The following GLI3 variants were observed in gnomAD, a reference collection of about 807,000 sequenced individuals.
GLI3 encodes transcription activator GLI3.
GLI3 carries 20 observed loss-of-function variants against 100.8 expected under a neutral mutation model. The ratio of observed to expected loss-of-function variants is 0.20; its 90% CI spans 0.14 to 0.29. The LOEUF (loss-of-function observed/expected upper bound fraction) is 0.29. GLI3 is among the 10% of genes least tolerant of loss of function. The probability of loss-of-function intolerance (pLI) is 1.00; values close to 1 mark genes in which losing one functional copy is unlikely to be tolerated. For missense variants in GLI3, 2,040 were observed against 2,128.5 expected, an observed-to-expected ratio of 0.96 and a Z score of 0.82; for synonymous variants, 938 against 860.5, an observed-to-expected ratio of 1.09 and a Z score of -1.58.
intron 3 of GLI3, among the ~76,000 whole-genome samples, chr7:42,132,190 T>C (rs1016352420): frequency 1.3e-5 from 2 of 152,074 alleles, no homozygotes; most frequent in Non-Finnish European, 2.9e-5. Flanking sequence ...AAGCTCCGCC[T>C]CCTGGGTTCA....
At chr7:41,989,457 C>T (rs912044970) in intron 10 of GLI3, among the ~76,000 whole-genome samples, 3 of 152,112 alleles carry the variant, frequency 2.0e-5, no homozygotes, top group African/African-American at 7.2e-5. Flanking sequence ...GCCAGAGGAG[C>T]TAAGAAAGTG....
chr7:42,100,741 A>G (rs930719000), intron 3 of GLI3, among the ~76,000 whole-genome samples: 1 of 152,070 alleles, frequency 6.6e-6, no homozygotes, highest in African/African-American at 2.4e-5. Context: ...GACTCTTTCC[A>G]AGAAAAAGAA....
At chr7:42,185,843 A>G (rs369645700) in intron 2 of GLI3, among the ~76,000 whole-genome samples, 3 of 152,322 alleles carry the variant, frequency 2.0e-5, no homozygotes, top group Admixed American at 6.5e-5. Context: ...TACAAACACC[A>G]GCCTCTCAGA....
At chr7:42,129,537 G>A (rs371467278) in intron 3 of GLI3, among the ~76,000 whole-genome samples, 18 of 152,110 alleles carry the variant, frequency 1.2e-4, no homozygotes, top group African/African-American at 3.6e-4. Flanking sequence ...TGGGTTGGGC[G>A]CGGTGGCTCA....
At chr7:42,238,999 A>C (rs1027281789), upstream of GLI3, among the ~76,000 whole-genome samples, 1 of 152,204 alleles carries the variant, frequency 6.6e-6, no homozygotes, top group East Asian at 1.9e-4. Context: ...TTTTAACGAA[A>C]TTGAGGGTGG....
upstream of GLI3, among the ~76,000 whole-genome samples, chr7:42,242,561 CCTT>C (rs1788935972): frequency 6.6e-6 from 1 of 152,166 alleles, no homozygotes; most frequent in Admixed American, 6.5e-5. Flanking sequence ...TTTACACTGT[CCTT>C]CTATTCAGTG....
At chr7:42,240,146 A>T (rs1237684943), upstream of GLI3, among the ~76,000 whole-genome samples, 1 of 152,220 alleles carries the variant, frequency 6.6e-6, no homozygotes, top group Non-Finnish European at 1.5e-5. Flanking sequence ...TAAGAGACTT[A>T]CAGGATTCTG....
At chr7:42,083,614 C>T (rs1785041749) in intron 3 of GLI3, among the ~76,000 whole-genome samples, 1 of 152,106 alleles carries the variant, frequency 6.6e-6, no homozygotes, top group Admixed American at 6.5e-5. Context: ...AAAAGGTTGA[C>T]AAACCCTATT....
At chr7:41,978,819 A>C in intron 10 of GLI3, 71 bp from the exon 11 acceptor site, 3 of 1,338,220 alleles carry the variant, frequency 2.2e-6, no homozygotes, top group East Asian at 4.6e-5. Context: ...ACAGAAGAAA[A>C]TGCAGAAAAT....
In GLI3 at chr7:41,965,036, C is replaced by T. The variant is rs1229861911; in HGVS notation, c.4037G>A (p.Gly1346Glu). 6.2e-7 allele frequency: 1 copy of T among 1,613,898 alleles called. No individual in the cohort carries two copies. The highest frequency in any genetic ancestry group is 1.7e-5 in the Admixed American group (1 of 60,026). ...GATGTGTGAGGTAGCACTAATCTGC[C>T]CAAGCATCTGCTGACCGGGGCGGCC... ...GAGRPGQQML[G>E]QISATSHINI... The change falls in exon 15 of 15, where the codon GGG becomes GAG. Residue 1346 changes from glycine (G) to glutamate (E), a missense_variant. This residue lies in a region of GLI3 where 1,041 missense variants were observed against 924.0 expected (regional missense o/e 1.13). Coordinates refer to ENST00000395925, the MANE Select transcript of GLI3 (RefSeq NM_000168.6).
At chr7:42,221,231 C>A (rs979922337) in intron 2 of GLI3, among the ~76,000 whole-genome samples, 16 of 152,158 alleles carry the variant, frequency 1.1e-4, no homozygotes, top group African/African-American at 3.9e-4. Context: ...AAGACCAACT[C>A]AAGACAAATG....
At chr7:42,165,951 G>C (rs1787232988) in intron 2 of GLI3, among the ~76,000 whole-genome samples, 1 of 152,208 alleles carries the variant, frequency 6.6e-6, no homozygotes, top group Non-Finnish European at 1.5e-5. Flanking sequence ...ACTTGTCACA[G>C]ATTAGTGAAA....
At chr7:42,067,663 G>A (rs1784702312) in intron 4 of GLI3, among the ~76,000 whole-genome samples, 1 of 152,040 alleles carries the variant, frequency 6.6e-6, no homozygotes, top group South Asian at 2.1e-4. Flanking sequence ...AACTCCCTTA[G>A]GCTGGCTACC....
At chr7:42,234,796 C>A (rs1347364324) in intron 1 of GLI3, among the ~76,000 whole-genome samples, 2 of 152,152 alleles carry the variant, frequency 1.3e-5, no homozygotes, top group African/African-American at 2.4e-5. Flanking sequence ...GAATTGCATA[C>A]CCTGAAAGGA....
intron 1 of GLI3, among the ~76,000 whole-genome samples, chr7:42,224,161 C>A (rs1788542123): frequency 6.6e-6 from 1 of 152,212 alleles, no homozygotes; most frequent in Non-Finnish European, 1.5e-5. Flanking sequence ...TCATGTTCTA[C>A]ACCTACAAAG....
intron 2 of GLI3, among the ~76,000 whole-genome samples, chr7:42,159,497 C>T (rs749717786): frequency 5.9e-5 from 9 of 151,988 alleles, no homozygotes; most frequent in African/African-American, 1.9e-4. Flanking sequence ...AGATGATTAT[C>T]GAATTATAGC....
At chr7:42,261,060 A>G (rs1789133152) in intron 1 of GLI3, among the ~76,000 whole-genome samples, 1 of 152,204 alleles carries the variant, frequency 6.6e-6, no homozygotes, top group South Asian at 2.1e-4. Flanking sequence ...ATTGGCCTAC[A>G]GTTCTGCAGG....
upstream of GLI3, among the ~76,000 whole-genome samples, chr7:42,242,556 A>G (rs1323190978): frequency 3.9e-5 from 6 of 152,052 alleles, no homozygotes; most frequent in Admixed American, 3.9e-4. Context: ...TTTTATTTAC[A>G]CTGTCCTTCT....
intron 3 of GLI3, among the ~76,000 whole-genome samples, chr7:42,085,780 G>A (rs1351929728): frequency 2.6e-5 from 4 of 152,168 alleles, no homozygotes; most frequent in South Asian, 2.1e-4. Flanking sequence ...AGAGATTGTC[G>A]GGGCTCAGGC....
Sources: gnomAD v4.1 joint callset for allele counts (sites outside exome capture counted in the v4.1 genomes callset) on GRCh38, gnomAD v4.1.1 for gene constraint, gnomAD v4.1.1 regional missense constraint, MANE v1.5 for transcripts, NCBI Gene and HGNC (gene_info 2026-07-23, HGNC 2026-07-21) for gene names.